Variants in TCF12 observed in about 807,000 individuals in gnomAD.
TCF12 encodes the protein transcription factor 12.
TCF12 carries 45 observed loss-of-function variants against 86.0 expected under a neutral mutation model. That is an observed-to-expected ratio of 0.52 (90% confidence interval 0.41 to 0.67). The LOEUF is 0.67. Ranked by LOEUF, TCF12 falls within the 30% of genes least tolerant of loss-of-function variation. The pLI, the probability that TCF12 is intolerant of heterozygous loss-of-function variation, is 0.00. For synonymous variants in TCF12, 330 were observed against 299.6 expected (o/e 1.10, Z -1.05); for missense variants, 881 against 859.9 (o/e 1.02, Z -0.31).
At chr15:57,211,803 A>C (rs1346506251) in intron 8 of TCF12, among the ~76,000 whole-genome samples, 4 of 152,128 alleles carry the variant, frequency 2.6e-5, no homozygotes, top group Non-Finnish European at 5.9e-5. Context: ...AAAATACAAA[A>C]CTTAGCAGGG....
At chr15:57,168,644 C>T (rs761672588) in intron 6 of TCF12, among the ~76,000 whole-genome samples, 8 of 152,042 alleles carry the variant, frequency 5.3e-5, no homozygotes, top group Non-Finnish European at 7.4e-5. Flanking sequence ...GATTGGAGGC[C>T]GTGGATCTAA....
chr15:56,936,274 ATCT>A (rs768492854), intron 3 of TCF12, among the ~76,000 whole-genome samples: 1 of 152,066 alleles, frequency 6.6e-6, no homozygotes, highest in Non-Finnish European at 1.5e-5. Context: ...CCATTTGTAT[ATCT>A]TCTTTTGAGA....
chr15:57,193,281 A>G (rs1315221864), intron 7 of TCF12, among the ~76,000 whole-genome samples: 1 of 152,220 alleles, frequency 6.6e-6, no homozygotes, highest in Non-Finnish European at 1.5e-5. Flanking sequence ...GGTTAAATTT[A>G]CCATATTAAG....
chr15:57,013,035 A>AT (rs200101750), intron 3 of TCF12, among the ~76,000 whole-genome samples: 1,740 of 146,400 alleles, frequency 0.012, 32 homozygotes, highest in African/African-American at 0.038. Context: ...GATACCGCAG[A>AT]TTTTTTTTTT....
At chr15:57,018,693 G>C in intron 3 of TCF12, among the ~76,000 whole-genome samples, 1 of 152,000 alleles carries the variant, frequency 6.6e-6, no homozygotes, top group East Asian at 1.9e-4. Flanking sequence ...CACCTGCCTT[G>C]GCCTCCCAAA....
chr15:56,976,568 T>C (rs1190019210), intron 3 of TCF12, among the ~76,000 whole-genome samples: 1 of 152,038 alleles, frequency 6.6e-6, no homozygotes, highest in Non-Finnish European at 1.5e-5. Flanking sequence ...TATAAAATTA[T>C]AATGTTACAA....
chr15:57,162,307 TAAAAG>T (rs768011476), intron 5 of TCF12, among the ~76,000 whole-genome samples: 6 of 151,978 alleles, frequency 3.9e-5, no homozygotes, highest in Non-Finnish European at 7.4e-5. Flanking sequence ...ATGCCTGAGA[TAAAAG>T]AAAGATAATG....
At chr15:57,266,866 G>T (rs1350407807) in intron 18 of TCF12, among the ~76,000 whole-genome samples, 1 of 152,034 alleles carries the variant, frequency 6.6e-6, no homozygotes. Context: ...GCTAGATTCT[G>T]TCTCTACAAA....
At chr15:56,972,384 G>T (rs563113467) in intron 3 of TCF12, among the ~76,000 whole-genome samples, 1 of 152,288 alleles carries the variant, frequency 6.6e-6, no homozygotes, top group African/African-American at 2.4e-5. Context: ...CAACCTAGTT[G>T]TCAGTACATA....
At chr15:57,151,068 T>A (rs546747179) in intron 5 of TCF12, among the ~76,000 whole-genome samples, 1 of 151,708 alleles carries the variant, frequency 6.6e-6, no homozygotes, top group East Asian at 1.9e-4. Flanking sequence ...AACCTTGAAC[T>A]ATTGGATCAA....
intron 19 of TCF12, among the ~76,000 whole-genome samples, chr15:57,277,126 T>C (rs554153140): frequency 6.6e-6 from 1 of 151,868 alleles, no homozygotes; most frequent in South Asian, 2.1e-4. Flanking sequence ...TAGAATTCTA[T>C]ACCTTGCCAG....
At chr15:57,122,843 G>T (rs2051335419) in intron 5 of TCF12, among the ~76,000 whole-genome samples, 1 of 152,170 alleles carries the variant, frequency 6.6e-6, no homozygotes, top group Non-Finnish European at 1.5e-5. Context: ...CATAAATTAG[G>T]ATGTGTTCAT....
intron 6 of TCF12, among the ~76,000 whole-genome samples, chr15:57,170,709 TATAATA>T (rs2055345057): frequency 6.9e-5 from 1 of 14,518 alleles, no homozygotes; most frequent in Non-Finnish European, 1.3e-4. Flanking sequence ...ATATATAATA[TATAATA>T]TATATATTAT....
At chr15:57,251,104 T>G (rs2060095388) in intron 13 of TCF12, 1 of 394,358 alleles carries the variant, frequency 2.5e-6, no homozygotes, top group African/African-American at 2.1e-5. Context: ...TGTGCAAACA[T>G]AAAGGTAGCT....
chr15:57,109,287 T>A (rs1247926126), intron 5 of TCF12: 1 of 152,158 alleles, frequency 6.6e-6, no homozygotes, highest in African/African-American at 2.4e-5. Context: ...TGGGGAACGC[T>A]AAAAGGGCTA....
rs773073139 is a variant in TCF12 at position 57,232,875 on chromosome 15, C to T, written c.970+19C>T. The stretch of plus-strand genomic sequence containing the variant: ...ATTCTAGGTGAGCTTTTTGAGTTGG[C>T]AAAACTTCCTAAAAGTTTGTGGACT... On this transcript the variant is annotated intron_variant, in intron 11 of 20. Transcript: ENST00000333725. 6.6e-7 allele frequency: 1 copy of T among 1,524,204 alleles called. No individual in the cohort carries two copies. Among genetic ancestry groups the T allele is most frequent in the Non-Finnish European group, 8.8e-7 (1 of 1,135,994 alleles). The allele number at this position is 1,524,204 out of a possible 1,614,324, so 94.4% of individuals were successfully genotyped here.
chr15:57,241,284 G>T (rs1393549491), intron 12 of TCF12, among the ~76,000 whole-genome samples: 1 of 151,898 alleles, frequency 6.6e-6, no homozygotes, highest in Non-Finnish European at 1.5e-5. Flanking sequence ...TAGAGACGGG[G>T]TTTCAGCATG....
intron 8 of TCF12, among the ~76,000 whole-genome samples, chr15:57,216,669 A>C (rs2058345147): frequency 6.6e-6 from 1 of 152,054 alleles, no homozygotes; most frequent in East Asian, 1.9e-4. Context: ...TCCTTAGGAC[A>C]AGAAATTGTG....
At chr15:56,990,431 A>G (rs2063394145) in intron 3 of TCF12, among the ~76,000 whole-genome samples, 2 of 152,082 alleles carry the variant, frequency 1.3e-5, no homozygotes, top group South Asian at 4.1e-4. Context: ...TTATAGGATA[A>G]ATGTATGCCA....
Sources: allele counts gnomAD v4.1 joint callset (sites outside exome capture counted in the v4.1 genomes callset), GRCh38; gene constraint gnomAD v4.1.1; transcripts MANE v1.5; gene names NCBI Gene and HGNC (gene_info 2026-07-23, HGNC 2026-07-21).